The following BTBD7 variants were observed in gnomAD, a reference collection of about 807,000 sequenced individuals.
BTBD7 encodes the protein BTB/POZ domain-containing protein 7.
BTBD7 carries 38 observed loss-of-function variants against 99.9 expected under a neutral mutation model. The observed-to-expected ratio is 0.38, with a 90% CI of 0.29 to 0.50. The LOEUF (loss-of-function observed/expected upper bound fraction) is 0.50. Among genes scored for constraint, BTBD7 ranks in the 20% least tolerant of loss-of-function variants. The pLI is 0.93. For missense variants in BTBD7, 1,170 were observed against 1,394.6 expected (o/e 0.84, Z 2.57); for synonymous variants, 520 against 511.4 (o/e 1.02, Z -0.23).
intron 1 of BTBD7, among the ~76,000 whole-genome samples, chr14:93,315,951 CTTTT>C (rs35850952): frequency 8.0e-5 from 10 of 124,880 alleles, no homozygotes; most frequent in Admixed American, 8.1e-5. Flanking sequence ...CAAAATGTAT[CTTTT>C]TTTTTTTTTT....
intron 3 of BTBD7, among the ~76,000 whole-genome samples, chr14:93,277,472 T>A (rs996851307): frequency 6.6e-6 from 1 of 152,172 alleles, no homozygotes; most frequent in South Asian, 2.1e-4. Flanking sequence ...CATTCTTATA[T>A]GCAGGCATCT....
Position 93,296,156 on chromosome 14 carries a change from TTC to T in BTBD7, c.-106-1_-106del. 2 of 1,333,164 alleles carry T rather than the reference TTC, an allele frequency of 1.5e-6. No homozygotes were observed. Among genetic ancestry groups the T allele is most frequent in the South Asian group, 4.6e-5 (2 of 43,292 alleles). 82.6% of individuals were successfully genotyped at this position (1,333,164 alleles called of 1,614,324 possible). Reference sequence around the variant, plus strand: ...GATCCAGCAGCCTCTTTTCATCCATTTCTTGATATGAAATAAAAATAATTTAA... The same window carrying T: ...GATCCAGCAGCCTCTTTTCATCCATTTTGATATGAAATAAAAATAATTTAA... On this transcript the variant is annotated splice_acceptor_variant and 5_prime_UTR_variant, in exon 2 of 11. Coordinates refer to ENST00000334746, the MANE Select transcript of BTBD7 (RefSeq NM_001002860.4). LOFTEE classifies it low-confidence loss of function (5UTR_SPLICE).
chr14:93,280,848 C>T (rs1327201307), intron 3 of BTBD7, among the ~76,000 whole-genome samples: 2 of 144,654 alleles, frequency 1.4e-5, no homozygotes. Flanking sequence ...TAAAAAGGCA[C>T]CTTTTTTTTT....
chr14:93,237,609 T>G lies in BTBD7; in HGVS notation c.*4664A>C, dbSNP rs751959250. 3.3e-5 allele frequency: 5 copies of G among 152,654 alleles called. No individual in the cohort carries two copies. The highest frequency in any genetic ancestry group is 1.2e-4 in the African/African-American group (5 of 41,460). 9.5% of individuals were successfully genotyped at this position (152,654 alleles called of 1,614,324 possible). Reference sequence around the variant, plus strand: ...TATGTAGGATAAAGTCAGTGTTACATGCTTATCAGTAACAGTAGAAAAATA... The same window carrying G: ...TATGTAGGATAAAGTCAGTGTTACAGGCTTATCAGTAACAGTAGAAAAATA... On this transcript the variant is annotated 3_prime_UTR_variant, in exon 11 of 11. Transcript: ENST00000334746.
Position 93,294,799 on chromosome 14 carries a change from C to T in BTBD7, c.221G>A (p.Arg74Gln), listed in dbSNP as rs1186469824. 12 of 1,613,762 alleles carry T rather than the reference C, an allele frequency of 7.4e-6. No individual in the cohort carries two copies. Among genetic ancestry groups the T allele is most frequent in the Non-Finnish European group, 8.5e-6 (10 of 1,179,996 alleles). ...ATLKKKFIKR[R>Q]KSNRSADHAK... Reference sequence around the variant, plus strand: ...ATGATCGGCAGACCTATTAGATTTCCGACGCTTAATAAACTTCTTTTTGAG... The same window carrying T: ...ATGATCGGCAGACCTATTAGATTTCTGACGCTTAATAAACTTCTTTTTGAG... Residue 74 changes from arginine to glutamine, a missense_variant, in exon 3 of 11, where the codon CGG (arginine) becomes CAG (glutamine). This residue lies in a region of BTBD7 where 359 missense variants were observed against 497.9 expected (regional missense o/e 0.72). Coordinates refer to ENST00000334746, the MANE Select transcript of BTBD7 (RefSeq NM_001002860.4).
chr14:93,281,277 C>T (rs1468103514), intron 3 of BTBD7, among the ~76,000 whole-genome samples: 1 of 151,420 alleles, frequency 6.6e-6, no homozygotes, highest in Admixed American at 6.6e-5. Context: ...GCTAGGATTA[C>T]AGGCATGAGC....
chr14:93,251,601 T>C lies in BTBD7; in HGVS notation c.1804A>G (p.Met602Val), dbSNP rs757669463. The C allele has an allele frequency of 6.2e-7, 1 of 1,613,600 alleles. No homozygotes were observed. Among genetic ancestry groups the C allele is most frequent in the Admixed American group, 1.7e-5 (1 of 60,014 alleles). The change falls in exon 8 of 11, where the codon ATG becomes GTG. Residue 602 changes from methionine (M) to valine (V), a missense_variant. Transcript: ENST00000334746. The part of the protein sequence containing the change: ...VEQTDLVRLR[M>V]VRMSNVPDTL... Reference sequence around the variant, plus strand: ...TCTGGCACATTGGACATTCTAACCATTCGCAAGCGCACAAGATCCGTTTGT... The same window carrying C: ...TCTGGCACATTGGACATTCTAACCACTCGCAAGCGCACAAGATCCGTTTGT...
At chr14:93,261,507 T>G in intron 5 of BTBD7, 95 bp downstream of exon 5, 1 of 961,188 alleles carries the variant, frequency 1.0e-6, no homozygotes, top group Non-Finnish European at 1.6e-6. Flanking sequence ...GGCAACAGTG[T>G]CAATTTTCAA....
chr14:93,257,023 A>G (rs748589340), intron 6 of BTBD7, 172 bp downstream of exon 6: 2 of 630,748 alleles, frequency 3.2e-6, no homozygotes, highest in Non-Finnish European at 5.3e-6. Context: ...TAACTGTATT[A>G]TGTGGAAGAC....
At chr14:93,264,120 A>C in intron 3 of BTBD7, 127 bp from the exon 4 acceptor site, 37 of 810,974 alleles carry the variant, frequency 4.6e-5, no homozygotes, top group Non-Finnish European at 6.3e-5. Flanking sequence ...ATAAAATCTC[A>C]TGAAAATCAC....
rs2052180365 is a variant in BTBD7, at chr14:93,238,037, T to C, written c.*4236A>G. The C allele has an allele frequency of 6.6e-6, 1 of 152,426 alleles. No homozygotes were observed. Among genetic ancestry groups the C allele is most frequent in the Non-Finnish European group, 1.5e-5 (1 of 68,046 alleles). The allele number at this position is 152,426 out of a possible 1,614,324, so 9.4% of individuals were successfully genotyped here. A position where few individuals can be genotyped will look rare whatever the true frequency, so the allele number is the denominator to read the frequency against. On this transcript the variant is annotated 3_prime_UTR_variant, in exon 11 of 11. Coordinates refer to ENST00000334746, the MANE Select transcript of BTBD7 (RefSeq NM_001002860.4). ...AGCCACCCCATCGAAGAGCAGGACT[T>C]GGTACCGCCTGCCCATGTAACCCAG...
rs190042044 is a variant in BTBD7, at chr14:93,251,724, T to C, written c.1753-72A>G. 2.9e-4 allele frequency: 362 copies of C among 1,238,270 alleles called. 2 individuals carry two copies. The East Asian group carries it at 8.2e-3, about 28-fold the overall frequency. 76.7% of individuals were successfully genotyped at this position (1,238,270 alleles called of 1,614,324 possible). ...TTAAATCACATTTGAAGGAAGACTATTACTTTCATCAAATAAAAAGGGAAT... is the reference window on the plus strand; with the variant it reads ...TTAAATCACATTTGAAGGAAGACTACTACTTTCATCAAATAAAAAGGGAAT... On this transcript the variant is annotated intron_variant, in intron 7 of 10. Coordinates refer to ENST00000334746, the MANE Select transcript of BTBD7 (RefSeq NM_001002860.4).
chr14:93,255,904 C>T (rs952865716), intron 6 of BTBD7: 1 of 152,108 alleles, frequency 6.6e-6, no homozygotes, highest in Non-Finnish European at 1.5e-5. Flanking sequence ...TTTCATTTTG[C>T]TTTCTCTGGT....
chr14:93,320,433 G>T (rs2053257146), intron 1 of BTBD7, among the ~76,000 whole-genome samples: 1 of 152,166 alleles, frequency 6.6e-6, no homozygotes. Flanking sequence ...GAATTACCTG[G>T]CCCCAAATGT....
In BTBD7 at chr14:93,242,332, T is replaced by G. The variant is rs781441678; in HGVS notation, c.3340A>C (p.Ser1114Arg). Residue 1114 changes from serine to arginine, a missense_variant, in exon 11 of 11, where the codon AGC (serine) becomes CGC (arginine). By Grantham distance (110) the Ser-to-Arg change is moderately radical (BLOSUM62 -1). Around this residue, in one of 4 missense-constraint regions of BTBD7, gnomAD observed 495 missense variants for 525.9 expected, o/e 0.94. Transcript: ENST00000334746. ...NTDLEREDSI[S>R]RGRRSPSKPD... ...TTGCTTGGTGACCTCCTTCCTCTGC[T>G]TATTGAATCTTCCCTTTCCAAATCT... 1.2e-6 allele frequency: 2 copies of G among 1,614,194 alleles called. No homozygotes were observed. Among genetic ancestry groups the G allele is most frequent in the Non-Finnish European group, 1.7e-6 (2 of 1,180,036 alleles).
intron 1 of BTBD7, among the ~76,000 whole-genome samples, chr14:93,324,128 A>G (rs1236134099): frequency 6.6e-6 from 1 of 152,244 alleles, no homozygotes; most frequent in Non-Finnish European, 1.5e-5. Flanking sequence ...TTGAAAAATA[A>G]AGAGGACTGT....
rs556019838 is a variant in BTBD7, at chr14:93,288,447, G to T, written c.1162+5411C>A. On this transcript the variant is annotated intron_variant, in intron 3 of 10. Transcript: ENST00000334746. ...AAAAGCTCCTGTTTTTACTTTAATA[G>T]CATCCTGCTTATGTCTCACTGATTC... 5.8e-6 allele frequency: 4 copies of T among 686,774 alleles called. No individual in the cohort carries two copies. The South Asian group carries it at 6.3e-5, about 11-fold the overall frequency. The allele number at this position is 686,774 out of a possible 1,614,324, so 42.5% of individuals were successfully genotyped here.
At chr14:93,268,298 C>A (rs948112921) in intron 3 of BTBD7, among the ~76,000 whole-genome samples, 7 of 152,190 alleles carry the variant, frequency 4.6e-5, no homozygotes. Flanking sequence ...CTAAAAGTTT[C>A]TCTGGTACCC....
rs2052490349 is a variant in BTBD7 at position 93,261,638 on chromosome 14, C to T, written c.1411G>A (p.Gly471Arg). 6.2e-7 allele frequency: 1 copy of T among 1,611,896 alleles called. No homozygotes were observed. Among genetic ancestry groups the T allele is most frequent in the South Asian group, 1.1e-5 (1 of 90,848 alleles). Reference sequence around the variant, plus strand: ...ATTCTTTTCATCAACTGATGCTCTCCCCATTTAATCAGATATTTAAGGATA... The same window carrying T: ...ATTCTTTTCATCAACTGATGCTCTCTCCATTTAATCAGATATTTAAGGATA... ...QDILKYLIKWGEHQLMKRIAD... is the reference protein window; with the variant it reads ...QDILKYLIKWREHQLMKRIAD... Residue 471 changes from glycine to arginine, a missense_variant, in exon 5 of 11, where the codon GGA (glycine) becomes AGA (arginine). Transcript: ENST00000334746.
Sources: gnomAD v4.1 joint callset for allele counts (sites outside exome capture counted in the v4.1 genomes callset) on GRCh38, gnomAD v4.1.1 for gene constraint, gnomAD v4.1.1 regional missense constraint, MANE v1.5 for transcripts, NCBI Gene and HGNC (gene_info 2026-07-23, HGNC 2026-07-21) for gene names.